The following PPARGC1A variants were observed in gnomAD, a reference collection of about 807,000 sequenced individuals.
PPARGC1A encodes the protein PPARG coactivator 1 alpha.
PPARGC1A carries 25 observed loss-of-function variants against 88.7 expected under a neutral mutation model. The ratio of observed to expected loss-of-function variants is 0.28; its 90% CI spans 0.21 to 0.39. PPARGC1A has a LOEUF of 0.39. Among genes scored for constraint, PPARGC1A ranks in the 10% least tolerant of loss-of-function variants. The pLI is 1.00. For missense variants in PPARGC1A, 880 were observed against 968.7 expected (o/e 0.91, Z 1.22); for synonymous variants, 363 against 355.6 (o/e 1.02, Z -0.24).
chr4:24,185,348 A>G, the PPARGC1A span, among the ~76,000 whole-genome samples: 1 of 152,182 alleles, frequency 6.6e-6, no homozygotes, highest in Non-Finnish European at 1.5e-5. Context: ...TCCTCTTAAA[A>G]CTGAAGACTA....
the PPARGC1A span, among the ~76,000 whole-genome samples, chr4:24,137,297 A>G: frequency 6.6e-6 from 1 of 151,788 alleles, no homozygotes; most frequent in African/African-American, 2.4e-5. Flanking sequence ...GAGGAAAACA[A>G]CCCTGCCAAC....
At chr4:24,442,071 A>G in the PPARGC1A span, among the ~76,000 whole-genome samples, 2 of 152,260 alleles carry the variant, frequency 1.3e-5, no homozygotes, top group Non-Finnish European at 2.9e-5. Flanking sequence ...AAGTCTTCAA[A>G]AAGTTTAATT....
chr4:24,127,802 A>C, the PPARGC1A span, among the ~76,000 whole-genome samples: 3 of 152,128 alleles, frequency 2.0e-5, no homozygotes, highest in Non-Finnish European at 4.4e-5. Flanking sequence ...CGGCTAGTAC[A>C]TTAGTACATC....
Position 23,828,486 on chromosome 4 carries a change from T to C in PPARGC1A, c.671A>G (p.Lys224Arg). 1.2e-6 allele frequency: 2 copies of C among 1,614,078 alleles called. No homozygotes were observed. Among genetic ancestry groups the C allele is most frequent in the Non-Finnish European group, 1.7e-6 (2 of 1,179,964 alleles). The stretch of plus-strand genomic sequence containing the variant: ...GCTGCTGTTTCTGTTCTCTGTGGGT[T>C]TGGTGTGAGGAGGGTCATCGTTTGT... ...LTTNDDPPHT[K>R]PTENRNSSRD... is the part of the protein sequence containing the mutation. Residue 224 changes from lysine (K) to arginine (R), a missense_variant, in exon 5 of 13, where the codon AAA becomes AGA. Lys to Arg is a conservative substitution (Grantham distance 26). Coordinates refer to ENST00000264867, the MANE Select transcript of PPARGC1A (RefSeq NM_013261.5).
intron 2 of PPARGC1A, among the ~76,000 whole-genome samples, chr4:23,854,958 T>C (rs10011624): frequency 0.48 from 73,654 of 151,962 alleles, 18,193 homozygotes; most frequent in African/African-American, 0.54. Flanking sequence ...CCAAATCTCA[T>C]CTTGAATTGT....
chr4:24,219,704 G>C, the PPARGC1A span, among the ~76,000 whole-genome samples: 1 of 152,178 alleles, frequency 6.6e-6, no homozygotes, highest in Non-Finnish European at 1.5e-5. Context: ...TGTGAAGATA[G>C]GGATGATGTT....
the PPARGC1A span, among the ~76,000 whole-genome samples, chr4:24,216,101 A>G: frequency 2.0e-5 from 3 of 149,854 alleles, no homozygotes; most frequent in African/African-American, 4.9e-5. Flanking sequence ...CACTGTCTGG[A>G]ACAACCTCAC....
chr4:23,882,057 G>T (rs1307755567), intron 2 of PPARGC1A: 1 of 152,204 alleles, frequency 6.6e-6, no homozygotes, highest in African/African-American at 2.4e-5. Flanking sequence ...ACACTAGAGG[G>T]CAAAGAGTGG....
At chr4:24,073,797 C>T in the PPARGC1A span, among the ~76,000 whole-genome samples, 58 of 152,276 alleles carry the variant, frequency 3.8e-4, no homozygotes, top group Middle Eastern at 6.8e-3. Flanking sequence ...CTTTAGTGCA[C>T]AGACTAGCAC....
chr4:24,392,309 A>T, the PPARGC1A span, among the ~76,000 whole-genome samples: 2 of 152,224 alleles, frequency 1.3e-5, no homozygotes, highest in African/African-American at 4.8e-5. Flanking sequence ...ATTGTACTGG[A>T]GCATTCCTTG....
chr4:24,411,097 T>C, the PPARGC1A span, among the ~76,000 whole-genome samples: 1 of 152,186 alleles, frequency 6.6e-6, no homozygotes, highest in African/African-American at 2.4e-5. Flanking sequence ...GGCGGCTGTT[T>C]TTAATGACAA....
At chr4:24,453,285 G>A in the PPARGC1A span, among the ~76,000 whole-genome samples, 18 of 152,192 alleles carry the variant, frequency 1.2e-4, no homozygotes, top group East Asian at 5.8e-4. Flanking sequence ...CACCGAGCCC[G>A]TGGTACTTGT....
chr4:24,105,447 G>A, the PPARGC1A span, among the ~76,000 whole-genome samples: 386 of 152,276 alleles, frequency 2.5e-3, 3 homozygotes, highest in African/African-American at 8.5e-3. Flanking sequence ...AAAAGTGAGG[G>A]AATGGAAATA....
chr4:24,024,652 T>A, the PPARGC1A span, among the ~76,000 whole-genome samples: 2 of 152,150 alleles, frequency 1.3e-5, no homozygotes, highest in Non-Finnish European at 2.9e-5. Context: ...TCTCTGGAAA[T>A]GAAAAGCAGC....
At chr4:23,965,957 C>T in the PPARGC1A span, among the ~76,000 whole-genome samples, 6 of 152,024 alleles carry the variant, frequency 3.9e-5, no homozygotes, top group African/African-American at 1.4e-4. Flanking sequence ...TAAATCCACC[C>T]GACAATAAAG....
At chr4:24,090,724 G>A in the PPARGC1A span, among the ~76,000 whole-genome samples, 3 of 152,188 alleles carry the variant, frequency 2.0e-5, no homozygotes, top group African/African-American at 4.8e-5. Context: ...AAATGGCAAC[G>A]CAGTGGATGC....
At chr4:24,387,934 G>GAAAA in the PPARGC1A span, among the ~76,000 whole-genome samples, 1 of 71,522 alleles carries the variant, frequency 1.4e-5, no homozygotes, top group African/African-American at 6.7e-5. Context: ...AAGAAAGAAA[G>GAAAA]AGAAAGAAAG....
At chr4:24,227,411 C>A in the PPARGC1A span, among the ~76,000 whole-genome samples, 2 of 152,146 alleles carry the variant, frequency 1.3e-5, no homozygotes, top group African/African-American at 4.8e-5. Flanking sequence ...GACTTCCATT[C>A]TCTATGTCTT....
chr4:24,359,505 C>T, the PPARGC1A span, among the ~76,000 whole-genome samples: 5 of 152,132 alleles, frequency 3.3e-5, no homozygotes, highest in Admixed American at 3.3e-4. Flanking sequence ...ATTCTTGATC[C>T]CCACTGGTGT....
Sources: gnomAD v4.1 joint callset for allele counts (sites outside exome capture counted in the v4.1 genomes callset) on GRCh38, gnomAD v4.1.1 for gene constraint, MANE v1.5 for transcripts, NCBI Gene and HGNC (gene_info 2026-07-23, HGNC 2026-07-21) for gene names.